The following RIMS1 variants were observed in gnomAD, a reference collection of about 807,000 sequenced individuals.
RIMS1 encodes the protein regulating synaptic membrane exocytosis 1, also known as regulating synaptic membrane exocytosis protein 1.
RIMS1 carries 83 observed loss-of-function variants against 214.1 expected under a neutral mutation model. That is an observed-to-expected ratio of 0.39 (90% CI 0.32 to 0.47). The LOEUF (loss-of-function observed/expected upper bound fraction) is 0.47, where lower values mean the gene tolerates loss of function less well. Among genes scored for constraint, RIMS1 ranks in the 20% least tolerant of loss-of-function variants. The probability of loss-of-function intolerance (pLI) is 0.99; values close to 1 mark genes in which losing one functional copy is unlikely to be tolerated. For synonymous variants in RIMS1, 793 were observed against 786.8 expected, an observed-to-expected ratio of 1.01 and a Z score of -0.13; for missense variants, 2,050 against 2,161.8, an observed-to-expected ratio of 0.95 and a Z score of 1.03.
intron 4 of RIMS1, among the ~76,000 whole-genome samples, chr6:72,161,012 C>A (rs2045318436): frequency 7.2e-6 from 1 of 138,452 alleles, no homozygotes; most frequent in African/African-American, 2.5e-5. Flanking sequence ...CCATCTGGTT[C>A]TGGACTTTTT....
chr6:72,081,249 G>A (rs904264691), intron 2 of RIMS1, among the ~76,000 whole-genome samples: 1 of 152,068 alleles, frequency 6.6e-6, no homozygotes, highest in African/African-American at 2.4e-5. Context: ...GATAAAATAG[G>A]GTGTTGCTCA....
intron 19 of RIMS1, chr6:72,262,839 A>T: frequency 1.4e-6 from 1 of 708,046 alleles, no homozygotes; most frequent in Non-Finnish European, 1.7e-6. Context: ...ACTTATAAAA[A>T]TAAAATCTGA....
Position 72,346,533 on chromosome 6 carries a change from C to T in RIMS1, c.4366+12698C>T, listed in dbSNP as rs80354815. 1.6e-3 allele frequency among the ~76,000 whole-genome samples: 248 copies of T among 151,832 alleles called. 9 individuals carry two copies. In the East Asian group the frequency reaches 0.043, roughly 26 times the overall value. On this transcript the variant is annotated intron_variant, in intron 29 of 33. Transcript: ENST00000521978. Reference sequence around the variant, plus strand: ...GTTTATGAACTCCCAGAAGTATGTTCATCCCAAATTAGGCATAATCTGCCA... The same window carrying T: ...GTTTATGAACTCCCAGAAGTATGTTTATCCCAAATTAGGCATAATCTGCCA...
intron 6 of RIMS1, among the ~76,000 whole-genome samples, chr6:72,191,918 C>T (rs1424388226): frequency 1.3e-5 from 2 of 152,166 alleles, no homozygotes; most frequent in African/African-American, 4.8e-5. Context: ...GATGATGGCA[C>T]TAATCTCTTC....
chr6:72,150,724 T>G (rs1287773660), intron 4 of RIMS1, among the ~76,000 whole-genome samples: 1 of 152,230 alleles, frequency 6.6e-6, no homozygotes, highest in Non-Finnish European at 1.5e-5. Context: ...GTTTGTTCAT[T>G]ACTATTCCCA....
At chr6:72,311,860 A>G (rs1486362319) in intron 27 of RIMS1, among the ~76,000 whole-genome samples, 1 of 152,110 alleles carries the variant, frequency 6.6e-6, no homozygotes, top group Non-Finnish European at 1.5e-5. Context: ...AGTCCCAGCT[A>G]CTTGGGAGGC....
chr6:72,272,627 T>C (rs1212026527), intron 22 of RIMS1, among the ~76,000 whole-genome samples: 1 of 152,186 alleles, frequency 6.6e-6, no homozygotes, highest in South Asian at 2.1e-4. Flanking sequence ...ATGCCATTTT[T>C]ACTTGCTTTT....
In RIMS1 at chr6:71,962,160, TAAG is replaced by T. The variant is rs370883015; in HGVS notation, c.165-6818_165-6816del. Among the ~76,000 whole-genome samples, 157 of 152,272 alleles carry T rather than the reference TAAG, an allele frequency of 1.0e-3. No homozygotes were observed. In the East Asian group the frequency reaches 0.018, roughly 17 times the overall value. On this transcript the variant is annotated intron_variant, in intron 1 of 33. Coordinates refer to ENST00000521978, the MANE Select transcript of RIMS1 (RefSeq NM_014989.7). ...GATAAATGGGGTAGACTTCAATGAT[TAAG>T]AAGACCAGAGACTTTACTTTTTACC...
chr6:72,320,365 C>G (rs1027103263), intron 28 of RIMS1, among the ~76,000 whole-genome samples: 1 of 152,100 alleles, frequency 6.6e-6, no homozygotes, highest in Non-Finnish European at 1.5e-5. Context: ...TTTAGTACAA[C>G]AGAAGTCTGT....
At chr6:72,045,765 T>C (rs1396039894) in intron 2 of RIMS1, among the ~76,000 whole-genome samples, 1 of 151,852 alleles carries the variant, frequency 6.6e-6, no homozygotes, top group African/African-American at 2.4e-5. Flanking sequence ...AATGTAAATA[T>C]TTTCCAGATG....
intron 2 of RIMS1, among the ~76,000 whole-genome samples, chr6:72,022,571 TTAAA>T (rs1384288623): frequency 6.6e-6 from 1 of 152,200 alleles, no homozygotes; most frequent in Non-Finnish European, 1.5e-5. Context: ...TCATTAAGCA[TTAAA>T]TAATTAGGCA....
At chr6:72,176,275 G>A (rs1418850796) in intron 4 of RIMS1, among the ~76,000 whole-genome samples, 9 of 152,062 alleles carry the variant, frequency 5.9e-5, no homozygotes, top group East Asian at 3.9e-4. Flanking sequence ...GCAAAGTTAC[G>A]TCTTATCCTC....
In RIMS1 at chr6:72,057,498, C is replaced by CTTTTTTTTT. The variant is rs56115719; in HGVS notation, c.246-39440_246-39432dup. Among the ~76,000 whole-genome samples, 890 of 126,124 alleles carry CTTTTTTTTT rather than the reference C, an allele frequency of 7.1e-3. 7 individuals carry two copies. Among genetic ancestry groups the CTTTTTTTTT allele is most frequent in the Non-Finnish European group, 8.5e-3 (517 of 61,172 alleles). The allele number at this position is 126,124 out of a possible 152,430, so 82.7% of individuals were successfully genotyped here. On this transcript the variant is annotated intron_variant, in intron 2 of 33. Coordinates refer to ENST00000521978, the MANE Select transcript of RIMS1 (RefSeq NM_014989.7). The stretch of plus-strand genomic sequence containing the variant: ...GTCCAAATCAGTACACCTTCTTTTT[C>CTTTTTTTTT]TTTTTTTTTTTTTTTTTTTCTTTTT...
At position 72,047,521 on chromosome 6, in the gene RIMS1, T is replaced by C. The variant is rs1403099097; in HGVS notation, c.246-49428T>C. ...CCTTGTAATCTCAAAGCTAAAGATT[T>C]AAGCATAATATATGAAAGAAAGAAG... On this transcript the variant is annotated intron_variant, in intron 2 of 33. Coordinates refer to ENST00000521978, the MANE Select transcript of RIMS1 (RefSeq NM_014989.7). Among the ~76,000 whole-genome samples, 7 of 152,118 alleles carry C rather than the reference T, an allele frequency of 4.6e-5. 1 individual carries two copies. The highest frequency in any genetic ancestry group is 4.6e-4 in the Admixed American group (7 of 15,260).
chr6:72,170,409 T>G (rs2046866183), intron 4 of RIMS1, among the ~76,000 whole-genome samples: 1 of 152,186 alleles, frequency 6.6e-6, no homozygotes, highest in South Asian at 2.1e-4. Context: ...AAGGGTGCAA[T>G]CTCTGCTCAC....
chr6:72,292,897 G>C (rs1170856365), intron 26 of RIMS1, among the ~76,000 whole-genome samples: 1 of 151,998 alleles, frequency 6.6e-6, no homozygotes, highest in African/African-American at 2.4e-5. Context: ...TGAAACAACT[G>C]AAAGGTTAAC....
At position 72,182,728 on chromosome 6, in the gene RIMS1, C is replaced by G; in HGVS notation, c.1257C>G (p.Ala419=). ...AGKRAPAAAR[A]SPPDSPRAYS... ...AACGCGCGCCGGCGGCAGCCAGGGC[C>G]TCGCCGCCGGACTCGCCGCGGGCTT... Residue 419 remains alanine (A), a synonymous_variant, in exon 6 of 34, where the codon GCC becomes GCG. Transcript: ENST00000521978. 6.5e-7 allele frequency: 1 copy of G among 1,534,240 alleles called. No individual in the cohort carries two copies. The highest frequency in any genetic ancestry group is 8.7e-7 in the Non-Finnish European group (1 of 1,143,526).
At position 72,258,345 on chromosome 6, in the gene RIMS1, G is replaced by T; in HGVS notation, c.2927+64G>T. ...TTTTTATTATAATGCAGTGTAAATT[G>T]CTGCAAAACTAACTGAAATGAAAAA... On this transcript the variant is annotated intron_variant, in intron 17 of 33. Transcript: ENST00000521978. 3 of 1,371,258 alleles carry T rather than the reference G, an allele frequency of 2.2e-6. No homozygotes were observed. The Admixed American group carries it at 6.8e-5, about 31-fold the overall frequency. The allele number at this position is 1,371,258 out of a possible 1,614,324, so 84.9% of individuals were successfully genotyped here.
At chr6:72,072,779 A>G (rs1040797208) in intron 2 of RIMS1, among the ~76,000 whole-genome samples, 2 of 152,174 alleles carry the variant, frequency 1.3e-5, no homozygotes, top group African/African-American at 4.8e-5. Context: ...TGGGTGATTC[A>G]GCCATAAGAT....
Sources: gnomAD v4.1 joint callset for allele counts (sites outside exome capture counted in the v4.1 genomes callset) on GRCh38, gnomAD v4.1.1 for gene constraint, MANE v1.5 for transcripts, NCBI Gene and HGNC (gene_info 2026-07-23, HGNC 2026-07-21) for gene names.